The following GALNTL6 variants were observed in gnomAD, a reference collection of about 807,000 sequenced individuals.
GALNTL6 encodes polypeptide N-acetylgalactosaminyltransferase like 6.
Under a neutral mutation model 73.7 loss-of-function variants are expected in GALNTL6, and 46 were observed. That is an observed-to-expected ratio of 0.62 (90% CI 0.49 to 0.80). GALNTL6 has a LOEUF of 0.80. GALNTL6 is among the 30% of genes least tolerant of loss of function. The probability of loss-of-function intolerance (pLI) is 0.00; values close to 1 mark genes in which losing one functional copy is unlikely to be tolerated. For missense variants in GALNTL6, 604 were observed against 755.0 expected, an observed-to-expected ratio of 0.80 and a Z score of 2.34; for synonymous variants, 259 against 263.7, an observed-to-expected ratio of 0.98 and a Z score of 0.17.
At chr4:171,818,234 A>G (rs951028258) in intron 2 of GALNTL6, among the ~76,000 whole-genome samples, 5 of 151,780 alleles carry the variant, frequency 3.3e-5, no homozygotes, top group Admixed American at 1.3e-4. Flanking sequence ...GAATAATACT[A>G]TATTTTAGAA....
intron 5 of GALNTL6, among the ~76,000 whole-genome samples, chr4:172,524,064 C>T (rs898132359): frequency 1.3e-5 from 2 of 152,188 alleles, no homozygotes; most frequent in South Asian, 2.1e-4. Flanking sequence ...AGTTTTACTA[C>T]GTAAGCACAT....
At chr4:172,283,759 G>A (rs988076725) in intron 3 of GALNTL6, among the ~76,000 whole-genome samples, 1 of 152,120 alleles carries the variant, frequency 6.6e-6, no homozygotes, top group African/African-American at 2.4e-5. Context: ...AATATTGAAT[G>A]TAAATAATTT....
At chr4:172,972,479 C>T (rs1323109227) in intron 10 of GALNTL6, among the ~76,000 whole-genome samples, 3 of 152,188 alleles carry the variant, frequency 2.0e-5, no homozygotes, top group South Asian at 4.1e-4. Flanking sequence ...GAAATTTCAA[C>T]ATCAGCTACT....
rs368535546 is a variant in GALNTL6 at position 172,222,759 on chromosome 4, A to G, written c.139-6897A>G. 8.2e-4 allele frequency among the ~76,000 whole-genome samples: 124 copies of G among 152,098 alleles called. 1 individual carries two copies. The South Asian group carries it at 0.014, about 17-fold the overall frequency. ...TTTTGTGCTCTCAGGCTATTCAGAT[A>G]CTGATATAAATACAAAGGATAAATT... On this transcript the variant is annotated intron_variant, in intron 2 of 12. Transcript: ENST00000506823.
intron 5 of GALNTL6, among the ~76,000 whole-genome samples, chr4:172,760,087 C>T (rs920757248): frequency 3.7e-4 from 56 of 152,028 alleles, no homozygotes; most frequent in Middle Eastern, 3.4e-3. Context: ...CCACCCGCCT[C>T]GGCCTCCCAA....
At chr4:172,279,687 G>T (rs2111076058) in intron 3 of GALNTL6, among the ~76,000 whole-genome samples, 1 of 152,196 alleles carries the variant, frequency 6.6e-6, no homozygotes, top group Admixed American at 6.6e-5. Context: ...ATTAAAAATA[G>T]AATGCAATTG....
At chr4:172,721,990 T>TG (rs1735504296) in intron 5 of GALNTL6, among the ~76,000 whole-genome samples, 1 of 117,504 alleles carries the variant, frequency 8.5e-6, no homozygotes, top group Non-Finnish European at 2.1e-5. Context: ...GGAAGGCTTT[T>TG]TTTTTTTTTC....
At chr4:172,657,843 G>A (rs562283442) in intron 5 of GALNTL6, among the ~76,000 whole-genome samples, 3 of 152,238 alleles carry the variant, frequency 2.0e-5, no homozygotes, top group African/African-American at 7.2e-5. Flanking sequence ...GTCAACGGTC[G>A]GCACACTCAG....
Position 172,740,141 on chromosome 4 carries a change from T to C in GALNTL6, c.554-69220T>C, listed in dbSNP as rs558834338. 1.7e-3 allele frequency among the ~76,000 whole-genome samples: 260 copies of C among 152,208 alleles called. 1 individual carries two copies. The highest frequency in any genetic ancestry group is 6.1e-3 in the African/African-American group (253 of 41,538). On this transcript the variant is annotated intron_variant, in intron 5 of 12. Transcript: ENST00000506823. ...ATCGTTCTCTCAAGGCCTTTGTACT[T>C]GTTCTATTTTATTGGCATACTCTTC...
rs1361906174 is a variant in GALNTL6 at position 172,263,952 on chromosome 4, A to G, written c.247+34188A>G. Among the ~76,000 whole-genome samples, 13 of 151,694 alleles carry G rather than the reference A, an allele frequency of 8.6e-5. No homozygotes were observed. In the East Asian group the frequency reaches 1.4e-3, roughly 16 times the overall value. On this transcript the variant is annotated intron_variant, in intron 3 of 12. Coordinates refer to ENST00000506823, the MANE Select transcript of GALNTL6 (RefSeq NM_001034845.3). Reference sequence around the variant, plus strand: ...TGTCTATGGGAATCTTATGAAATGTATATTAAAATATATATGTCTCCAGAT... The same window carrying G: ...TGTCTATGGGAATCTTATGAAATGTGTATTAAAATATATATGTCTCCAGAT...
At chr4:171,964,596 T>C (rs914961383) in intron 2 of GALNTL6, among the ~76,000 whole-genome samples, 3 of 152,198 alleles carry the variant, frequency 2.0e-5, no homozygotes, top group African/African-American at 4.8e-5. Flanking sequence ...CATATTCCCA[T>C]CATCTTTCAC....
chr4:172,204,584 A>T (rs539691148), intron 2 of GALNTL6, among the ~76,000 whole-genome samples: 2 of 152,310 alleles, frequency 1.3e-5, no homozygotes, highest in South Asian at 4.1e-4. Context: ...TTCTATAATT[A>T]TTAAGGGTGT....
intron 2 of GALNTL6, among the ~76,000 whole-genome samples, chr4:171,905,395 A>T (rs566347225): frequency 5.3e-5 from 8 of 152,154 alleles, no homozygotes; most frequent in Non-Finnish European, 1.0e-4. Flanking sequence ...AAAGACAAAG[A>T]AGGCCATTAT....
At chr4:172,110,503 A>G (rs1034084576) in intron 2 of GALNTL6, among the ~76,000 whole-genome samples, 3 of 152,170 alleles carry the variant, frequency 2.0e-5, no homozygotes, top group African/African-American at 7.2e-5. Context: ...AAAAAAGTGC[A>G]CATATTTCAG....
intron 2 of GALNTL6, among the ~76,000 whole-genome samples, chr4:171,923,197 T>C (rs1213208979): frequency 6.6e-6 from 1 of 152,134 alleles, no homozygotes; most frequent in East Asian, 1.9e-4. Flanking sequence ...CTTTGTTTTG[T>C]TTCAATTTAT....
intron 2 of GALNTL6, among the ~76,000 whole-genome samples, chr4:172,094,808 G>A (rs1183903651): frequency 6.6e-6 from 1 of 151,668 alleles, no homozygotes; most frequent in Non-Finnish European, 1.5e-5. Context: ...CTTTTTTCTT[G>A]AAGAGCTGCT....
rs144977976 is a variant in GALNTL6, at chr4:172,071,505, T to A, written c.139-158151T>A. The stretch of plus-strand genomic sequence containing the variant: ...ACAAAAAACAAAGCTCAAGATCAAG[T>A]ATGGCAAATTCCCTTCAGTTGTAAA... On this transcript the variant is annotated intron_variant, in intron 2 of 12. Transcript: ENST00000506823. 2.0e-3 allele frequency among the ~76,000 whole-genome samples: 225 copies of A among 111,204 alleles called. 66 individuals carry two copies. The highest frequency in any genetic ancestry group is 7.2e-3 in the African/African-American group (215 of 29,662). 73.0% of individuals were successfully genotyped at this position (111,204 alleles called of 152,430 possible).
At chr4:172,430,069 A>ATG (rs950175189) in intron 5 of GALNTL6, among the ~76,000 whole-genome samples, 13 of 151,712 alleles carry the variant, frequency 8.6e-5, no homozygotes, top group Non-Finnish European at 1.6e-4. Context: ...CAAAATATAT[A>ATG]TGTGTGTGTA....
intron 2 of GALNTL6, among the ~76,000 whole-genome samples, chr4:172,034,872 G>T (rs552487515): frequency 6.6e-6 from 1 of 152,232 alleles, no homozygotes; most frequent in South Asian, 2.1e-4. Context: ...GGAATTTTAT[G>T]TCTTCATGCT....
Sources: gnomAD v4.1 joint callset for allele counts (sites outside exome capture counted in the v4.1 genomes callset) on GRCh38, gnomAD v4.1.1 for gene constraint, MANE v1.5 for transcripts, NCBI Gene and HGNC (gene_info 2026-07-23, HGNC 2026-07-21) for gene names.